The following MTFR1 variants were observed in gnomAD, a reference collection of about 807,000 sequenced individuals.
MTFR1 encodes chondrocyte protein with a poly-proline region.
Under a neutral mutation model 38.8 loss-of-function variants are expected in MTFR1, and 28 were observed. The ratio of observed to expected loss-of-function variants is 0.72; its 90% CI spans 0.53 to 0.99. The LOEUF is 0.99. Ranked by LOEUF, MTFR1 falls within the 50% of genes least tolerant of loss-of-function variation. MTFR1 has a pLI of 0.00. For synonymous variants in MTFR1, 145 were observed against 137.0 expected (o/e 1.06, Z -0.41); for missense variants, 358 against 395.5 (o/e 0.91, Z 0.81).
chr8:65,768,101 C>T (rs1808887014), intron 3 of MTFR1, among the ~76,000 whole-genome samples: 1 of 152,268 alleles, frequency 6.6e-6, no homozygotes, highest in African/African-American at 2.4e-5. Flanking sequence ...GGGAGAAACC[C>T]CTCCACACAT....
In MTFR1 at chr8:65,688,059, C is replaced by T. The variant is rs575598057; in HGVS notation, c.166-5585C>T. Among the ~76,000 whole-genome samples, 5 of 148,076 alleles carry T rather than the reference C, an allele frequency of 3.4e-5. No homozygotes were observed. The Admixed American group carries it at 3.4e-4, about 10-fold the overall frequency. On this transcript the variant is annotated intron_variant, in intron 3 of 7. Transcript: ENST00000262146. The stretch of plus-strand genomic sequence containing the variant: ...AGGTTGCAGTGAGCTGATACTGTGC[C>T]GTTGCACTCCAGCCTGGGCGACAGG...
At chr8:65,728,871 G>A (rs887002419) in intron 3 of MTFR1, among the ~76,000 whole-genome samples, 17 of 152,122 alleles carry the variant, frequency 1.1e-4, no homozygotes, top group Non-Finnish European at 2.2e-4. Flanking sequence ...ATATTAAAGA[G>A]TTAACCATTA....
At chr8:65,653,627 C>A (rs572454016) in intron 1 of MTFR1, among the ~76,000 whole-genome samples, 1 of 152,260 alleles carries the variant, frequency 6.6e-6, no homozygotes, top group East Asian at 1.9e-4. Flanking sequence ...TTGAGAAATA[C>A]TAGTATAGCC....
At chr8:65,770,743 G>A (rs2128920397) in intron 3 of MTFR1, among the ~76,000 whole-genome samples, 1 of 152,316 alleles carries the variant, frequency 6.6e-6, no homozygotes, top group East Asian at 1.9e-4. Flanking sequence ...GAGAAAAAAA[G>A]TTTAAAGGTG....
chr8:65,665,906 T>C (rs1804368838), intron 1 of MTFR1, among the ~76,000 whole-genome samples: 1 of 145,540 alleles, frequency 6.9e-6, no homozygotes, highest in African/African-American at 2.5e-5. Context: ...TAAAATGGCT[T>C]TATGCATTAA....
chr8:65,724,604 A>G (rs1352990394), intron 3 of MTFR1, among the ~76,000 whole-genome samples: 1 of 152,192 alleles, frequency 6.6e-6, no homozygotes, highest in Non-Finnish European at 1.5e-5. Context: ...CTTCCTAGGT[A>G]GCAGATTCAC....
chr8:65,751,782 G>T (rs928855069), intron 3 of MTFR1, among the ~76,000 whole-genome samples: 44 of 152,330 alleles, frequency 2.9e-4, no homozygotes, highest in African/African-American at 9.9e-4. Flanking sequence ...GTGAGCCACT[G>T]CGCCCAGCCC....
Position 65,645,692 on chromosome 8 carries a change from T to TTTCC in MTFR1, c.-81+908_-81+909insTTCC, listed in dbSNP as rs1554544272. Reference sequence around the variant, plus strand: ...AGGCAGGCGCCATCACGCCCGGCTTTCCCCCCCCCCCCCCTTTGTAGAGAT... The same window carrying TTTCC: ...AGGCAGGCGCCATCACGCCCGGCTTTTTCCCCCCCCCCCCCCCCTTTGTAGAGAT... On this transcript the variant is annotated intron_variant, in intron 1 of 7. Coordinates refer to ENST00000262146, the MANE Select transcript of MTFR1 (RefSeq NM_014637.4). Among the ~76,000 whole-genome samples, 30 of 83,172 alleles carry TTTCC rather than the reference T, an allele frequency of 3.6e-4. 2 individuals carry two copies. The highest frequency in any genetic ancestry group is 1.0e-3 in the African/African-American group (20 of 19,744). The allele number at this position is 83,172 out of a possible 152,430, so 54.6% of individuals were successfully genotyped here.
chr8:65,731,948 TC>T (rs1156652301), intron 3 of MTFR1, among the ~76,000 whole-genome samples: 2 of 152,072 alleles, frequency 1.3e-5, no homozygotes, highest in Non-Finnish European at 2.9e-5. Context: ...ACTCTTGCCA[TC>T]CACCTGGTCA....
chr8:65,724,753 G>A (rs1472475426), intron 3 of MTFR1: 6 of 1,575,860 alleles, frequency 3.8e-6, no homozygotes, highest in Non-Finnish European at 5.2e-6. Flanking sequence ...CCTAGAAATA[G>A]AATGTTTCCA....
At chr8:65,719,373 T>C (rs1248608097) in intron 2 of MTFR1, 1 of 1,614,038 alleles carries the variant, frequency 6.2e-7, no homozygotes, top group Non-Finnish European at 8.5e-7. Context: ...GACTGTTCTC[T>C]CTGCAGTCCC....
chr8:65,734,759 A>G, intron 3 of MTFR1: 2 of 1,189,288 alleles, frequency 1.7e-6, no homozygotes, highest in South Asian at 2.5e-5. Context: ...GAATTTTCTT[A>G]TGATTTTCAC....
At chr8:65,659,369 A>G (rs1809349617) in intron 1 of MTFR1, among the ~76,000 whole-genome samples, 1 of 151,662 alleles carries the variant, frequency 6.6e-6, no homozygotes, top group Non-Finnish European at 1.5e-5. Context: ...GAAGGGTGCC[A>G]CTTGCATCAA....
chr8:65,715,161 T>A (rs1168971993), downstream of MTFR1, among the ~76,000 whole-genome samples: 1 of 152,166 alleles, frequency 6.6e-6, no homozygotes, highest in Non-Finnish European at 1.5e-5. Context: ...ACTTGCTTTT[T>A]AAAAAAGTAA....
intron 1 of MTFR1, among the ~76,000 whole-genome samples, chr8:65,650,234 G>C (rs1809084588): frequency 9.0e-6 from 1 of 111,648 alleles, no homozygotes; most frequent in Non-Finnish European, 1.7e-5. Context: ...TTTTTTTTGA[G>C]ACAGAGTTTT....
chr8:65,759,125 C>T (rs909657275), intron 3 of MTFR1, among the ~76,000 whole-genome samples: 4 of 152,176 alleles, frequency 2.6e-5, no homozygotes, highest in African/African-American at 9.7e-5. Context: ...TACGTCTTTT[C>T]CAAACTATTT....
At chr8:65,752,248 T>C (rs1432955667) in intron 3 of MTFR1, among the ~76,000 whole-genome samples, 1 of 152,220 alleles carries the variant, frequency 6.6e-6, no homozygotes, top group Non-Finnish European at 1.5e-5. Context: ...TAGGCTTAGC[T>C]GTAGAAACTG....
chr8:65,732,672 C>A (rs1806949732), intron 3 of MTFR1, among the ~76,000 whole-genome samples: 1 of 152,208 alleles, frequency 6.6e-6, no homozygotes, highest in Admixed American at 6.5e-5. Flanking sequence ...CACCACCATG[C>A]CCATCTAACT....
At chr8:65,705,169 T>C (rs1340391849) in intron 5 of MTFR1, among the ~76,000 whole-genome samples, 2 of 151,802 alleles carry the variant, frequency 1.3e-5, no homozygotes, top group Non-Finnish European at 2.9e-5. Context: ...ACTAAAAATA[T>C]AAAAATTAGC....
Sources: gnomAD v4.1 joint callset for allele counts (sites outside exome capture counted in the v4.1 genomes callset) on GRCh38, gnomAD v4.1.1 for gene constraint, MANE v1.5 for transcripts, NCBI Gene and HGNC (gene_info 2026-07-23, HGNC 2026-07-21) for gene names.